The following OTUD7A variants were observed in gnomAD, a reference collection of about 807,000 sequenced individuals.
The protein encoded by OTUD7A is OTU domain-containing protein 7A.
A neutral mutation model predicts 65.7 loss-of-function variants in OTUD7A; 12 were observed. That is an observed-to-expected ratio of 0.18 (90% CI 0.12 to 0.30). The LOEUF is 0.30. Among genes scored for constraint, OTUD7A ranks in the 10% least tolerant of loss-of-function variants. The pLI, the probability that OTUD7A is intolerant of heterozygous loss-of-function variation, is 1.00. For synonymous variants in OTUD7A, 641 were observed against 586.3 expected (o/e 1.09, Z -1.35); for missense variants, 1,148 against 1,304.8 (o/e 0.88, Z 1.85).
At chr15:31,810,990 C>T (rs1490205998) in intron 1 of OTUD7A, among the ~76,000 whole-genome samples, 2 of 152,168 alleles carry the variant, frequency 1.3e-5, no homozygotes, top group Non-Finnish European at 2.9e-5. Context: ...TATTGTGTGC[C>T]TGTGAAGGAG....
At chr15:31,549,335 C>G (rs897220596) in intron 5 of OTUD7A, among the ~76,000 whole-genome samples, 9 of 152,110 alleles carry the variant, frequency 5.9e-5, no homozygotes, top group Admixed American at 3.9e-4. Flanking sequence ...AATTATCATA[C>G]TGCAAGTAAT....
At chr15:31,537,160 T>C (rs1364550827) in intron 5 of OTUD7A, among the ~76,000 whole-genome samples, 1 of 152,196 alleles carries the variant, frequency 6.6e-6, no homozygotes, top group Non-Finnish European at 1.5e-5. Context: ...AGTATATTTA[T>C]TTTAGAGTCA....
chr15:31,799,122 C>T (rs1474753440), intron 1 of OTUD7A, among the ~76,000 whole-genome samples: 1 of 152,072 alleles, frequency 6.6e-6, no homozygotes, highest in Non-Finnish European at 1.5e-5. Context: ...GGGGTGGATC[C>T]TTGAACAGAG....
Position 31,818,778 on chromosome 15 carries a change from T to C in OTUD7A, c.-100+51729A>G, listed in dbSNP as rs1444981050. The stretch of plus-strand genomic sequence containing the variant: ...TATTACTGAAGCATTACAGAACTCA[T>C]GGTGATTGATACAGAAATGAGCATC... On this transcript the variant is annotated intron_variant, in intron 1 of 12. Coordinates refer to ENST00000307050, the MANE Select transcript of OTUD7A (RefSeq NM_001382637.1). Among the ~76,000 whole-genome samples the C allele has an allele frequency of 2.0e-5, 3 of 152,320 alleles. No individual in the cohort carries two copies. In the East Asian group the frequency reaches 5.8e-4, roughly 29 times the overall value.
At chr15:31,778,573 C>T (rs543957031) in intron 1 of OTUD7A, among the ~76,000 whole-genome samples, 1 of 152,326 alleles carries the variant, frequency 6.6e-6, no homozygotes, top group African/African-American at 2.4e-5. Flanking sequence ...GTTTAGGATG[C>T]CCACTCCAAT....
intron 3 of OTUD7A, among the ~76,000 whole-genome samples, chr15:31,612,803 T>C (rs964661468): frequency 6.6e-6 from 1 of 152,136 alleles, no homozygotes; most frequent in East Asian, 1.9e-4. Flanking sequence ...ATTCTAAAAT[T>C]CATATGGAAC....
At chr15:31,771,767 AC>A (rs1205533132) in intron 1 of OTUD7A, among the ~76,000 whole-genome samples, 1 of 151,414 alleles carries the variant, frequency 6.6e-6, no homozygotes, top group Non-Finnish European at 1.5e-5. Flanking sequence ...CCTGCACCAG[AC>A]CCCCCTCTCC....
intron 3 of OTUD7A, among the ~76,000 whole-genome samples, chr15:31,616,190 C>CAAGG (rs1890580114): frequency 6.6e-6 from 1 of 152,218 alleles, no homozygotes; most frequent in South Asian, 2.1e-4. Flanking sequence ...GCATGTGAAA[C>CAAGG]AAGGACCTGG....
intron 8 of OTUD7A, among the ~76,000 whole-genome samples, chr15:31,518,869 A>G (rs2041900152): frequency 6.6e-6 from 1 of 152,180 alleles, no homozygotes; most frequent in South Asian, 2.1e-4. Flanking sequence ...CACCTTTTAC[A>G]AAAGACTCTC....
chr15:31,563,883 C>T (rs954018338), intron 4 of OTUD7A, among the ~76,000 whole-genome samples: 17 of 151,902 alleles, frequency 1.1e-4, no homozygotes, highest in African/African-American at 4.1e-4. Flanking sequence ...TTCCCCGACT[C>T]TCATCTGGAG....
intron 3 of OTUD7A, among the ~76,000 whole-genome samples, chr15:31,615,385 A>C (rs1358594526): frequency 6.6e-6 from 1 of 152,200 alleles, no homozygotes; most frequent in Non-Finnish European, 1.5e-5. Flanking sequence ...GACAGAAAAA[A>C]GTTTATAATA....
In OTUD7A at chr15:31,484,676, C is replaced by T. The variant is rs768826447; in HGVS notation, c.1420G>A (p.Val474Met). The T allele has an allele frequency of 1.2e-5, 19 of 1,582,256 alleles. No individual in the cohort carries two copies. The highest frequency in any genetic ancestry group is 1.5e-5 in the Non-Finnish European group (18 of 1,168,114). The change falls in exon 13 of 13, where the codon GTG becomes ATG. Residue 474 changes from valine to methionine, a missense_variant. Coordinates refer to ENST00000307050, the MANE Select transcript of OTUD7A (RefSeq NM_001382637.1). This position sits in a 1 kb window ranked among gnomAD's most constrained non-coding sequence, Gnocchi z 4.5. ...ESPTASAGED[V>M]QSLADSLDSD... ...TCCAGCGAGTCGGCCAGGGACTGCA[C>T]GTCCTCCCCTGCCGAGGCCGTGGGA...
chr15:31,668,967 C>T (rs1395040781), intron 1 of OTUD7A, among the ~76,000 whole-genome samples: 1 of 152,234 alleles, frequency 6.6e-6, no homozygotes, highest in Non-Finnish European at 1.5e-5. Flanking sequence ...CAGACTGGTA[C>T]TGGGTATTGT....
At chr15:31,516,438 G>A (rs11635221) in intron 8 of OTUD7A, among the ~76,000 whole-genome samples, 58,312 of 151,982 alleles carry the variant, frequency 0.38, 11,384 homozygotes, top group Middle Eastern at 0.41. Flanking sequence ...GGGGCAGCCT[G>A]AAAATCATAA....
chr15:31,509,204 C>T (rs1465012356), intron 8 of OTUD7A, among the ~76,000 whole-genome samples: 3 of 151,892 alleles, frequency 2.0e-5, no homozygotes, highest in Non-Finnish European at 4.4e-5. Flanking sequence ...GTTTAGTTTA[C>T]AGAAAAATTG....
intron 1 of OTUD7A, among the ~76,000 whole-genome samples, chr15:31,867,386 G>C (rs1897904984): frequency 2.0e-5 from 3 of 152,184 alleles, no homozygotes; most frequent in African/African-American, 7.2e-5. Context: ...GAAGGTCAGA[G>C]GCCATGACTT....
At chr15:31,625,349 TG>T (rs1890919597) in intron 3 of OTUD7A, among the ~76,000 whole-genome samples, 1 of 152,076 alleles carries the variant, frequency 6.6e-6, no homozygotes, top group African/African-American at 2.4e-5. Context: ...GGATGATTTT[TG>T]TATGCGGCAA....
chr15:31,522,291 G>A (rs747548663), intron 8 of OTUD7A, among the ~76,000 whole-genome samples: 6 of 152,270 alleles, frequency 3.9e-5, no homozygotes, highest in South Asian at 2.1e-4. Flanking sequence ...GGCGGAGGGC[G>A]GAATAACCAA....
chr15:31,672,889 C>T (rs1212065589), intron 1 of OTUD7A, among the ~76,000 whole-genome samples: 1 of 152,188 alleles, frequency 6.6e-6, no homozygotes, highest in African/African-American at 2.4e-5. Flanking sequence ...GTAGGACCTA[C>T]TGAAGTCTTC....
Sources: allele counts gnomAD v4.1 joint callset (sites outside exome capture counted in the v4.1 genomes callset), GRCh38; gene constraint gnomAD v4.1.1; non-coding constraint Gnocchi (gnomAD v3.1); transcripts MANE v1.5; gene names NCBI Gene and HGNC (gene_info 2026-07-23, HGNC 2026-07-21).